GRM7: variants seen among roughly 807,000 people sequenced by gnomAD.
The protein encoded by GRM7 is metabotropic glutamate receptor 7.
In GRM7, 35 loss-of-function variants were observed where a neutral mutation model predicts 84.5. The ratio of observed to expected loss-of-function variants is 0.41; its 90% CI spans 0.32 to 0.55. The LOEUF is 0.55. Ranked by LOEUF, GRM7 falls within the 20% of genes least tolerant of loss-of-function variation. The probability of loss-of-function intolerance (pLI) is 0.19; values close to 1 mark genes in which losing one functional copy is unlikely to be tolerated. For missense variants in GRM7, 1,003 were observed against 1,194.6 expected (o/e 0.84, Z 2.36); for synonymous variants, 487 against 455.1 (o/e 1.07, Z -0.89).
At chr3:7,300,416 G>A (rs1327502315) in intron 3 of GRM7, among the ~76,000 whole-genome samples, 1 of 152,166 alleles carries the variant, frequency 6.6e-6, no homozygotes, top group South Asian at 2.1e-4. Flanking sequence ...TTTAAATGAG[G>A]ATTACTTGCT....
At chr3:7,665,510 A>G (rs1699662924) in intron 8 of GRM7, among the ~76,000 whole-genome samples, 1 of 152,174 alleles carries the variant, frequency 6.6e-6, no homozygotes, top group Admixed American at 6.5e-5. Context: ...ATGAATTTAA[A>G]TATAAAACAC....
intron 1 of GRM7, among the ~76,000 whole-genome samples, chr3:6,981,690 C>G (rs1431505116): frequency 6.6e-6 from 1 of 152,062 alleles, no homozygotes; most frequent in Non-Finnish European, 1.5e-5. Flanking sequence ...ATTGAAATCA[C>G]TATTTGCTCA....
At chr3:7,244,136 G>A (rs1316096098) in intron 2 of GRM7, among the ~76,000 whole-genome samples, 1 of 151,940 alleles carries the variant, frequency 6.6e-6, no homozygotes, top group Non-Finnish European at 1.5e-5. Flanking sequence ...TGAAAATTAT[G>A]TTTTCTTCAC....
chr3:7,141,649 GAGGGAGTATGCTACA>G (rs1006709317), intron 1 of GRM7, among the ~76,000 whole-genome samples: 7 of 151,804 alleles, frequency 4.6e-5, no homozygotes, highest in Non-Finnish European at 8.8e-5. Flanking sequence ...CAGCTATGAA[GAGGGAGTATGCTACA>G]ACTAAGATAG....
At chr3:7,320,188 T>C (rs1009414119) in intron 4 of GRM7, among the ~76,000 whole-genome samples, 2 of 151,800 alleles carry the variant, frequency 1.3e-5, no homozygotes, top group Non-Finnish European at 1.5e-5. Flanking sequence ...ATGTGCATAG[T>C]AGGGGAGTAA....
intron 9 of GRM7, among the ~76,000 whole-genome samples, chr3:7,719,348 C>G (rs1448859904): frequency 1.3e-5 from 2 of 152,136 alleles, no homozygotes; most frequent in African/African-American, 4.8e-5. Flanking sequence ...AATTGTGCCC[C>G]TGCGTTTTCT....
intron 2 of GRM7, among the ~76,000 whole-genome samples, chr3:7,229,759 A>ATTTTTTTTTTTTT (rs1200808989): frequency 3.3e-5 from 1 of 30,436 alleles, no homozygotes; most frequent in African/African-American, 1.3e-4. Context: ...ATATATATAT[A>ATTTTTTTTTTTTT]TTTTTTTTTT....
intron 4 of GRM7, among the ~76,000 whole-genome samples, chr3:7,348,394 T>C (rs1692985537): frequency 6.6e-6 from 1 of 152,150 alleles, no homozygotes; most frequent in Non-Finnish European, 1.5e-5. Context: ...CTGCTTATAT[T>C]TGTTGCTCCA....
At chr3:7,449,525 C>A (rs749315773) in intron 5 of GRM7, among the ~76,000 whole-genome samples, 1 of 152,010 alleles carries the variant, frequency 6.6e-6, no homozygotes, top group Non-Finnish European at 1.5e-5. Context: ...TAAAAATCAA[C>A]AAATCTGGCA....
At chr3:6,967,799 C>T (rs1482278127) in intron 1 of GRM7, among the ~76,000 whole-genome samples, 7 of 152,210 alleles carry the variant, frequency 4.6e-5, no homozygotes. Flanking sequence ...CTGGAATCCT[C>T]ATTCTGCCAT....
intron 2 of GRM7, among the ~76,000 whole-genome samples, chr3:7,179,903 A>T (rs1277440985): frequency 6.6e-6 from 1 of 152,176 alleles, no homozygotes; most frequent in Non-Finnish European, 1.5e-5. Flanking sequence ...AGTTTGAGAA[A>T]TCTCCCAGAC....
chr3:6,864,661 C>T (rs1694881329), intron 1 of GRM7, among the ~76,000 whole-genome samples: 1 of 152,146 alleles, frequency 6.6e-6, no homozygotes, highest in Non-Finnish European at 1.5e-5. Context: ...AGGGACCATG[C>T]CAAACCGATC....
At chr3:7,383,772 T>C (rs1694681077) in intron 4 of GRM7, among the ~76,000 whole-genome samples, 1 of 152,184 alleles carries the variant, frequency 6.6e-6, no homozygotes, top group Non-Finnish European at 1.5e-5. Context: ...CAAGGAAATA[T>C]ATAAAAATTG....
At chr3:6,891,855 C>A (rs991460506) in intron 1 of GRM7, among the ~76,000 whole-genome samples, 1 of 152,198 alleles carries the variant, frequency 6.6e-6, no homozygotes, top group African/African-American at 2.4e-5. Context: ...TTCTCCCCGT[C>A]ACTTTCAGGT....
chr3:6,925,950 G>T (rs1427427125), intron 1 of GRM7, among the ~76,000 whole-genome samples: 1 of 152,036 alleles, frequency 6.6e-6, no homozygotes, highest in South Asian at 2.1e-4. Context: ...TCACCATTTT[G>T]TTTATCCCTG....
At chr3:7,550,406 C>T (rs532996330) in intron 7 of GRM7, among the ~76,000 whole-genome samples, 1 of 140,626 alleles carries the variant, frequency 7.1e-6, no homozygotes, top group African/African-American at 2.7e-5. Context: ...TCTTTCTTTT[C>T]TCTCTCTCTC....
chr3:7,376,844 CAA>C (rs1195472629), intron 4 of GRM7, among the ~76,000 whole-genome samples: 2 of 152,094 alleles, frequency 1.3e-5, no homozygotes, highest in Admixed American at 1.3e-4. Context: ...GGTAAGGGGA[CAA>C]AGAGGGTTTT....
At chr3:7,313,927 A>T (rs1038271460) in intron 4 of GRM7, among the ~76,000 whole-genome samples, 2 of 152,116 alleles carry the variant, frequency 1.3e-5, no homozygotes, top group Admixed American at 6.6e-5. Flanking sequence ...AGAGAGAGAG[A>T]GAGAGAGAGA....
intron 9 of GRM7, among the ~76,000 whole-genome samples, chr3:7,695,926 T>TTAAA (rs1430146779): frequency 9.9e-5 from 15 of 152,182 alleles, no homozygotes; most frequent in Non-Finnish European, 1.9e-4. Flanking sequence ...TTAATGAGAA[T>TTAAA]TAAATAATCT....
Sources: allele counts gnomAD v4.1 joint callset (sites outside exome capture counted in the v4.1 genomes callset), GRCh38; gene constraint gnomAD v4.1.1; transcripts MANE v1.5; gene names NCBI Gene and HGNC (gene_info 2026-07-23, HGNC 2026-07-21).